Variants in SPRY3 observed in about 807,000 individuals in gnomAD.
The protein encoded by SPRY3 is protein sprouty homolog 3.
In SPRY3, 15 loss-of-function variants were observed where a neutral mutation model predicts 20.2. The observed-to-expected ratio is 0.74, with a 90% confidence interval of 0.50 to 1.14. The LOEUF (loss-of-function observed/expected upper bound fraction) is 1.14. Ranked by LOEUF, SPRY3 falls within the 50% of genes most tolerant of loss-of-function variation. The pLI is 0.00. For synonymous variants in SPRY3, 143 were observed against 136.5 expected (o/e 1.05, Z -0.33); for missense variants, 364 against 363.9 (o/e 1.00, Z 0.00).
At chrX:155,655,612 T>C (rs1295299661) in intron 1 of SPRY3, among the ~76,000 whole-genome samples, 3 of 111,872 alleles carry the variant, frequency 2.7e-5, no homozygotes, top group African/African-American at 9.8e-5. Context: ...TTGAATAGAC[T>C]GACCTTTCCC....
intron 2 of SPRY3, among the ~76,000 whole-genome samples, chrX:155,672,878 T>C (rs1454547760): frequency 9.5e-6 from 1 of 105,443 alleles, no homozygotes; most frequent in Non-Finnish European, 1.9e-5. Context: ...TGGAATACTA[T>C]GCAGCCATAA....
intron 2 of SPRY3, among the ~76,000 whole-genome samples, chrX:155,766,793 G>A (rs2091333370): frequency 6.6e-6 from 1 of 152,120 alleles, no homozygotes; most frequent in Non-Finnish European, 1.5e-5. Context: ...ACAACACCTA[G>A]CACAAAGGAA....
chrX:155,632,664 C>T (rs1367348707), intron 1 of SPRY3, among the ~76,000 whole-genome samples: 6 of 112,163 alleles, frequency 5.3e-5, no homozygotes, highest in Non-Finnish European at 7.5e-5. Context: ...GCTCTTGAGG[C>T]GTGAGCTCAA....
At chrX:155,740,512 C>T (rs2091198483) in intron 2 of SPRY3, among the ~76,000 whole-genome samples, 2 of 152,094 alleles carry the variant, frequency 1.3e-5, no homozygotes, top group Non-Finnish European at 2.9e-5. Context: ...TAGACAGCCG[C>T]TCTGGGAGTG....
At chrX:155,711,112 C>T (rs1486313067) in intron 2 of SPRY3, among the ~76,000 whole-genome samples, 1 of 151,604 alleles carries the variant, frequency 6.6e-6, no homozygotes, top group Non-Finnish European at 1.5e-5. Flanking sequence ...GGATGTTAGC[C>T]TATAGTTTTC....
intron 2 of SPRY3, among the ~76,000 whole-genome samples, chrX:155,706,063 T>C (rs189204181): frequency 1.3e-5 from 2 of 151,398 alleles, no homozygotes; most frequent in African/African-American, 4.8e-5. Context: ...AGAATACAAT[T>C]TCTTTTCAAA....
exon 4 of SPRY3, chrX:155,776,158 G>C (rs1177390643): frequency 3.6e-5 from 6 of 167,088 alleles, no homozygotes; most frequent in Non-Finnish European, 7.3e-5. Flanking sequence ...TGCCTAGTTA[G>C]TGTGGTGGTC....
intron 2 of SPRY3, among the ~76,000 whole-genome samples, chrX:155,716,554 T>C (rs1382506525): frequency 6.6e-6 from 1 of 152,026 alleles, no homozygotes; most frequent in East Asian, 1.9e-4. Context: ...TTCATCAACT[T>C]AATTCTGGCT....
intron 2 of SPRY3, among the ~76,000 whole-genome samples, chrX:155,716,528 T>G (rs1370223591): frequency 6.6e-6 from 1 of 152,060 alleles, no homozygotes; most frequent in Non-Finnish European, 1.5e-5. Flanking sequence ...AAACCTAACT[T>G]TTTTAGGTAA....
intron 1 of SPRY3, among the ~76,000 whole-genome samples, chrX:155,653,775 A>G (rs1459505905): frequency 3.6e-5 from 4 of 111,948 alleles, no homozygotes; most frequent in African/African-American, 1.3e-4. Context: ...TGTCATTTCC[A>G]TATCTATAGA....
intron 1 of SPRY3, among the ~76,000 whole-genome samples, chrX:155,649,938 T>C (rs2067970939): frequency 9.0e-6 from 1 of 111,697 alleles, no homozygotes. Flanking sequence ...ACAAAATCAA[T>C]GTGCAAAAAT....
intron 2 of SPRY3, among the ~76,000 whole-genome samples, chrX:155,742,403 A>T (rs1370836619): frequency 6.6e-6 from 1 of 152,172 alleles, no homozygotes; most frequent in South Asian, 2.1e-4. Context: ...AGGAGACTTT[A>T]TCACTCCACT....
intron 2 of SPRY3, among the ~76,000 whole-genome samples, chrX:155,670,865 A>G (rs1431115019): frequency 8.9e-6 from 1 of 111,874 alleles, no homozygotes; most frequent in Non-Finnish European, 1.9e-5. Flanking sequence ...TTCCCATACT[A>G]CGATAGTGGC....
intron 2 of SPRY3, among the ~76,000 whole-genome samples, chrX:155,682,827 T>C (rs2068077576): frequency 8.9e-6 from 1 of 112,301 alleles, no homozygotes; most frequent in Admixed American, 9.5e-5. Flanking sequence ...TTGGAAATAT[T>C]CAACATTCTA....
At chrX:155,706,763 A>G (rs1398744325) in intron 2 of SPRY3, among the ~76,000 whole-genome samples, 1 of 150,918 alleles carries the variant, frequency 6.6e-6, no homozygotes, top group Non-Finnish European at 1.5e-5. Context: ...AATCCCTGGG[A>G]GGCGCGAACT....
intron 3 of SPRY3, among the ~76,000 whole-genome samples, chrX:155,771,371 G>A (rs1243250177): frequency 1.3e-5 from 2 of 152,074 alleles, no homozygotes; most frequent in Non-Finnish European, 2.9e-5. Flanking sequence ...CTAGAATCCT[G>A]TCTTTGGAAT....
chrX:155,746,410 C>T (rs1376184451), intron 2 of SPRY3, among the ~76,000 whole-genome samples: 2 of 151,796 alleles, frequency 1.3e-5, no homozygotes, highest in Non-Finnish European at 1.5e-5. Flanking sequence ...ATTGTTAATA[C>T]AATTTTTTCA....
chrX:155,686,920 C>G (rs1928415143), intron 2 of SPRY3, among the ~76,000 whole-genome samples: 1 of 112,425 alleles, frequency 8.9e-6, no homozygotes, highest in African/African-American at 3.2e-5. Context: ...TATTCTTCCA[C>G]CCCTGAATTT....
At chrX:155,661,666 C>T (rs1236081628) in intron 2 of SPRY3, among the ~76,000 whole-genome samples, 2 of 111,552 alleles carry the variant, frequency 1.8e-5, no homozygotes, top group African/African-American at 6.5e-5. Context: ...TCAGGAATAT[C>T]TATGACCTTG....
Sources: allele counts gnomAD v4.1 joint callset (sites outside exome capture counted in the v4.1 genomes callset), GRCh38; gene constraint gnomAD v4.1.1; transcripts MANE v1.5; gene names NCBI Gene and HGNC (gene_info 2026-07-23, HGNC 2026-07-21).